The following AGAP1 variants were observed in gnomAD, a reference collection of about 807,000 sequenced individuals.
AGAP1 encodes ArfGAP with GTPase domain, ankyrin repeat and PH domain 1.
AGAP1 carries 29 observed loss-of-function variants against 105.3 expected under a neutral mutation model. That is an observed-to-expected ratio of 0.28 (90% CI 0.21 to 0.38). AGAP1 has a LOEUF of 0.38. Ranked by LOEUF, AGAP1 falls within the 10% of genes least tolerant of loss-of-function variation. The pLI, the probability that AGAP1 is intolerant of heterozygous loss-of-function variation, is 1.00. For missense variants in AGAP1, 998 were observed against 1,165.1 expected (o/e 0.86, Z 2.09); for synonymous variants, 509 against 485.9 (o/e 1.05, Z -0.63).
rs1163336627 is a variant in AGAP1 at position 235,578,258 on chromosome 2, C to G, written c.163+83409C>G. On this transcript the variant is annotated intron_variant, in intron 1 of 17. Transcript: ENST00000304032. This position sits in a 1 kb window ranked among gnomAD's most constrained non-coding sequence, Gnocchi z 4.9. ...CCACGGTGCCCGTCTCCTACCTGCA[C>G]TGTGCCCCCACACCTTTGTTGACAA... 6.6e-6 allele frequency among the ~76,000 whole-genome samples: 1 copy of G among 152,208 alleles called. No individual in the cohort carries two copies. Among genetic ancestry groups the G allele is most frequent in the Non-Finnish European group, 1.5e-5 (1 of 68,042 alleles).
At position 235,866,099 on chromosome 2, in the gene AGAP1, C is replaced by T. The variant is rs1310715066; in HGVS notation, c.1051-17246C>T. Among the ~76,000 whole-genome samples, 2 of 152,158 alleles carry T rather than the reference C, an allele frequency of 1.3e-5. No homozygotes were observed. Among genetic ancestry groups the T allele is most frequent in the Non-Finnish European group, 2.9e-5 (2 of 68,032 alleles). ...TCTTGCAGTATATGGGTCACTCATC[C>T]AGATTTACTTGATGCTGTTTTAGTT... is the stretch of plus-strand genomic sequence containing the variant. On this transcript the variant is annotated intron_variant, in intron 9 of 17. Transcript: ENST00000304032. The surrounding 1 kb of genome is among the most constrained non-coding windows in gnomAD (Gnocchi z 6.1).
At position 235,936,884 on chromosome 2, in the gene AGAP1, A is replaced by G. The variant is rs1559669182; in HGVS notation, c.1483+5961A>G. Among the ~76,000 whole-genome samples the G allele has an allele frequency of 6.6e-6, 1 of 152,056 alleles. No individual in the cohort carries two copies. The highest frequency in any genetic ancestry group is 6.5e-5 in the Admixed American group (1 of 15,270). ...ACCATACTTATCATTATTAGCCAAA[A>G]TTCAAACCCAGATCTTTCTGATTTC... is the stretch of plus-strand genomic sequence containing the variant. On this transcript the variant is annotated intron_variant, in intron 12 of 17. Coordinates refer to ENST00000304032, the MANE Select transcript of AGAP1 (RefSeq NM_001037131.3). The surrounding 1 kb of genome is among the most constrained non-coding windows in gnomAD (Gnocchi z 4.7).
Position 235,665,860 on chromosome 2 carries a change from G to GTAGCAGATGGCTCTGCTGACTGGC in AGAP1, c.164-43316_164-43293dup, listed in dbSNP as rs1948110376. 6.6e-6 allele frequency among the ~76,000 whole-genome samples: 1 copy of GTAGCAGATGGCTCTGCTGACTGGC among 152,194 alleles called. No homozygotes were observed. The highest frequency in any genetic ancestry group is 1.5e-5 in the Non-Finnish European group (1 of 68,038). On this transcript the variant is annotated intron_variant, in intron 1 of 17. Transcript: ENST00000304032. The surrounding 1 kb of genome is among the most constrained non-coding windows in gnomAD (Gnocchi z 5.3). ...TCTGTTATTTGGAAAGCCAGCCTGT[G>GTAGCAGATGGCTCTGCTGACTGGC]TAGCAGATGGCTCTGCTGACTGGCT...
At chr2:235,521,525 C>T (rs140039420) in intron 1 of AGAP1, among the ~76,000 whole-genome samples, 78 of 152,174 alleles carry the variant, frequency 5.1e-4, no homozygotes, top group African/African-American at 1.2e-3. Context: ...CAAATACATG[C>T]GAATGGGTAC....
At chr2:235,503,583 A>G (rs768295654) in intron 1 of AGAP1, among the ~76,000 whole-genome samples, 6 of 151,262 alleles carry the variant, frequency 4.0e-5, no homozygotes, top group African/African-American at 1.5e-4. Context: ...TATTTCTTGG[A>G]ACTTGTTAGT....
At chr2:236,103,573 T>C (rs1373886648) in intron 16 of AGAP1, among the ~76,000 whole-genome samples, 1 of 151,852 alleles carries the variant, frequency 6.6e-6, no homozygotes, top group Non-Finnish European at 1.5e-5. Flanking sequence ...TCTTTTCTTC[T>C]TTTTTTTCCC....
Position 235,799,423 on chromosome 2 carries a change from C to T in AGAP1, c.858C>T (p.Pro286=), listed in dbSNP as rs752124359. The T allele has an allele frequency of 1.2e-6, 2 of 1,614,172 alleles. No homozygotes were observed. Among genetic ancestry groups the T allele is most frequent in the East Asian group, 4.5e-5 (2 of 44,872 alleles). ...ATTCCTCCTCCGTTCCATCGACTCC[C>T]AGCACCAGCCAGAAGGAACTTCGGA... ...SDYSSSVPST[P]STSQKELRID... is the part of the protein sequence containing the mutation. Residue 286 remains proline, a synonymous_variant, in exon 8 of 18, where the codon CCC becomes CCT. Transcript: ENST00000304032. The surrounding 1 kb of genome is among the most constrained non-coding windows in gnomAD (Gnocchi z 5.0).
At chr2:235,876,083 A>T (rs1028502416) in intron 9 of AGAP1, among the ~76,000 whole-genome samples, 2 of 152,180 alleles carry the variant, frequency 1.3e-5, no homozygotes, top group African/African-American at 2.4e-5. Context: ...TCACCTGCAG[A>T]TAATTTTCTC....
At chr2:236,024,946 T>C (rs1162044968) in intron 13 of AGAP1, among the ~76,000 whole-genome samples, 1 of 152,246 alleles carries the variant, frequency 6.6e-6, no homozygotes, top group Non-Finnish European at 1.5e-5. Context: ...CACAAAACTT[T>C]ATTAAACAGC....
rs1470743356 is a variant in AGAP1 at position 235,599,933 on chromosome 2, C to T, written c.163+105084C>T. On this transcript the variant is annotated intron_variant, in intron 1 of 17. Transcript: ENST00000304032. This position sits in a 1 kb window ranked among gnomAD's most constrained non-coding sequence, Gnocchi z 5.3. The stretch of plus-strand genomic sequence containing the variant: ...CTGAGAAACTGACTCAGGGAAGTGC[C>T]TGTGTTCAGGGCGGAGGTTCCACTG... 3.3e-5 allele frequency among the ~76,000 whole-genome samples: 5 copies of T among 152,220 alleles called. No individual in the cohort carries two copies. Among genetic ancestry groups the T allele is most frequent in the African/African-American group, 4.8e-5 (2 of 41,464 alleles).
In AGAP1 at chr2:235,576,711, TG is replaced by T. The variant is rs1354763930; in HGVS notation, c.163+81863del. The stretch of plus-strand genomic sequence containing the variant: ...GGGATGCCTTGGCCTGGGCCCCCTC[TG>T]AGGGAGGACTGTCGCCCCTGCTGCT... On this transcript the variant is annotated intron_variant, in intron 1 of 17. Coordinates refer to ENST00000304032, the MANE Select transcript of AGAP1 (RefSeq NM_001037131.3). 3.9e-5 allele frequency among the ~76,000 whole-genome samples: 6 copies of T among 152,244 alleles called. No individual in the cohort carries two copies. The East Asian group carries it at 5.8e-4, about 15-fold the overall frequency.
At chr2:235,703,284 GTGT>G in intron 1 of AGAP1, among the ~76,000 whole-genome samples, 2 of 152,132 alleles carry the variant, frequency 1.3e-5, no homozygotes, top group South Asian at 4.2e-4. Context: ...GGCAGGCCAT[GTGT>G]TACTCCAGGC....
intron 16 of AGAP1, among the ~76,000 whole-genome samples, chr2:236,067,519 G>A (rs2058378324): frequency 6.6e-6 from 1 of 152,166 alleles, no homozygotes; most frequent in Non-Finnish European, 1.5e-5. Context: ...CAAGTCTTCA[G>A]TATCTACAGA....
chr2:235,524,956 A>G (rs769595147), intron 1 of AGAP1, among the ~76,000 whole-genome samples: 44 of 152,268 alleles, frequency 2.9e-4, no homozygotes, highest in Non-Finnish European at 4.3e-4. Flanking sequence ...GGATTTTTCA[A>G]TTAAGAAAAG....
rs995761470 is a variant in AGAP1, at chr2:236,080,296, G to A, written c.2114+31015G>A. 2.6e-5 allele frequency among the ~76,000 whole-genome samples: 4 copies of A among 152,216 alleles called. No homozygotes were observed. Among genetic ancestry groups the A allele is most frequent in the Non-Finnish European group, 5.9e-5 (4 of 68,042 alleles). The stretch of plus-strand genomic sequence containing the variant: ...AAAGGAGAGAGAAGAATTGTTACCC[G>A]GCAAAGATCAGACTGCCTCCTCCAC... On this transcript the variant is annotated intron_variant, in intron 16 of 17. Coordinates refer to ENST00000304032, the MANE Select transcript of AGAP1 (RefSeq NM_001037131.3). This position sits in a 1 kb window ranked among gnomAD's most constrained non-coding sequence, Gnocchi z 4.2.
chr2:235,503,483 T>A (rs1368661696), intron 1 of AGAP1, among the ~76,000 whole-genome samples: 1 of 152,196 alleles, frequency 6.6e-6, no homozygotes, highest in African/African-American at 2.4e-5. Context: ...AATTTTAGCT[T>A]CAACAATCAA....
rs573419168 is a variant in AGAP1, at chr2:235,661,246, T to A, written c.164-47933T>A. 3.3e-5 allele frequency among the ~76,000 whole-genome samples: 5 copies of A among 151,700 alleles called. No individual in the cohort carries two copies. The South Asian group carries it at 1.0e-3, about 32-fold the overall frequency. On this transcript the variant is annotated intron_variant, in intron 1 of 17. Coordinates refer to ENST00000304032, the MANE Select transcript of AGAP1 (RefSeq NM_001037131.3). The stretch of plus-strand genomic sequence containing the variant: ...GAGATTGGCAGGCGGAGGAGAGGCT[T>A]TTGTTGAGGGCTGGAGGGAGGGAGG...
intron 1 of AGAP1, among the ~76,000 whole-genome samples, chr2:235,512,948 C>CT (rs1942213245): frequency 6.6e-6 from 1 of 152,242 alleles, no homozygotes; most frequent in Non-Finnish European, 1.5e-5. Context: ...CCTAGGCCCT[C>CT]TGCACTTGAG....
At chr2:235,530,537 G>A (rs1943007696) in intron 1 of AGAP1, among the ~76,000 whole-genome samples, 1 of 152,144 alleles carries the variant, frequency 6.6e-6, no homozygotes, top group African/African-American at 2.4e-5. Flanking sequence ...TTGTTTCCTT[G>A]CTTTTTCCAG....
Sources: gnomAD v4.1 joint callset for allele counts (sites outside exome capture counted in the v4.1 genomes callset) on GRCh38, gnomAD v4.1.1 for gene constraint, Gnocchi (gnomAD v3.1) non-coding constraint, MANE v1.5 for transcripts, NCBI Gene and HGNC (gene_info 2026-07-23, HGNC 2026-07-21) for gene names.